CNTN3: variants seen among roughly 807,000 people sequenced by gnomAD.
CNTN3 encodes contactin 3, also known as contactin-3.
Under a neutral mutation model 119.1 loss-of-function variants are expected in CNTN3, and 60 were observed. That is an observed-to-expected ratio of 0.50 (90% CI 0.41 to 0.62). The LOEUF (loss-of-function observed/expected upper bound fraction) is 0.62. Among genes scored for constraint, CNTN3 ranks in the 20% least tolerant of loss-of-function variants. The pLI is 0.00. For synonymous variants in CNTN3, 450 were observed against 438.7 expected (o/e 1.03, Z -0.32); for missense variants, 1,101 against 1,242.4 (o/e 0.89, Z 1.71).
At chr3:74,549,971 G>A (rs1324808960) in intron 1 of CNTN3, among the ~76,000 whole-genome samples, 1 of 152,150 alleles carries the variant, frequency 6.6e-6, no homozygotes, top group Non-Finnish European at 1.5e-5. Context: ...AGAGAAAGAT[G>A]CCTGTTAATG....
rs764510749 is a variant in CNTN3, at chr3:74,295,144, T to G, written c.2494A>C (p.Asn832His). ...SWNTIPWKLS[N>H]GHLLGYEVRY... ...ACCTCATAGCCCAGTAAATGTCCAT[T>G]GCTCAACTTCCAAGGAATGGTGTTC... The change falls in exon 19 of 23, where the codon AAT (asparagine) becomes CAT (histidine). Residue 832 changes from asparagine (N) to histidine (H), a missense_variant. Physicochemically the swap from Asn to His is moderately conservative, Grantham distance 68. Coordinates refer to ENST00000263665, the MANE Select transcript of CNTN3 (RefSeq NM_020872.3). 1 of 1,611,306 alleles carries G rather than the reference T, an allele frequency of 6.2e-7. No individual in the cohort carries two copies. Among genetic ancestry groups the G allele is most frequent in the East Asian group, 2.2e-5 (1 of 44,840 alleles).
intron 1 of CNTN3, among the ~76,000 whole-genome samples, chr3:74,594,246 G>C (rs58240542): frequency 0.017 from 2,440 of 146,822 alleles, 68 homozygotes; most frequent in African/African-American, 0.058. Flanking sequence ...ACTAGGGTTA[G>C]ATATCCAAAA....
At chr3:74,325,724 A>T (rs1239991698) in intron 13 of CNTN3, among the ~76,000 whole-genome samples, 1 of 152,158 alleles carries the variant, frequency 6.6e-6, no homozygotes. Flanking sequence ...TATTATCAAC[A>T]TCTCAATTTT....
chr3:74,268,371 A>G (rs1301165843), intron 20 of CNTN3, among the ~76,000 whole-genome samples: 1 of 152,202 alleles, frequency 6.6e-6, no homozygotes, highest in Non-Finnish European at 1.5e-5. Context: ...TAACCACAGA[A>G]TGTGATTTGG....
intron 4 of CNTN3, among the ~76,000 whole-genome samples, chr3:74,450,706 C>T (rs2106947559): frequency 7.3e-6 from 1 of 136,304 alleles, no homozygotes. Context: ...TGTTCCCCTT[C>T]CTGTGTCCAT....
intron 4 of CNTN3, among the ~76,000 whole-genome samples, chr3:74,444,222 C>G (rs1702013374): frequency 6.6e-6 from 1 of 152,140 alleles, no homozygotes; most frequent in South Asian, 2.1e-4. Flanking sequence ...TGCAACAACC[C>G]TATTTTCAAA....
At chr3:74,538,071 C>T (rs1423234096) in intron 1 of CNTN3, among the ~76,000 whole-genome samples, 1 of 151,934 alleles carries the variant, frequency 6.6e-6, no homozygotes, top group Non-Finnish European at 1.5e-5. Context: ...GACAGGATAC[C>T]TGGGGAAGCA....
At position 74,469,598 on chromosome 3, in the gene CNTN3, CA is replaced by C. The variant is rs368730059; in HGVS notation, c.358+16857del. ...TAGTTGGCCAGTAAACACATGAAAACAAGCTCACATCGTTAGTCATCAGGGA... is the reference window on the plus strand; with the variant it reads ...TAGTTGGCCAGTAAACACATGAAAACAGCTCACATCGTTAGTCATCAGGGA... On this transcript the variant is annotated intron_variant, in intron 4 of 22. Coordinates refer to ENST00000263665, the MANE Select transcript of CNTN3 (RefSeq NM_020872.3). Among the ~76,000 whole-genome samples the C allele has an allele frequency of 3.0e-3, 461 of 152,242 alleles. 2 individuals are homozygous for C. The highest frequency in any genetic ancestry group is 0.011 in the African/African-American group (439 of 41,546).
At chr3:74,295,002 T>TA in intron 19 of CNTN3, 119 bp downstream of exon 19, 1 of 549,718 alleles carries the variant, frequency 1.8e-6, no homozygotes, top group Non-Finnish European at 3.3e-6. Context: ...AATGTGTTGA[T>TA]AAAAAAATTT....
At position 74,471,880 on chromosome 3, in the gene CNTN3, T is replaced by C. The variant is rs540275543; in HGVS notation, c.358+14576A>G. Reference sequence around the variant, plus strand: ...AATCTGATGGCATTCTATTCCCAACTAGACCATAAGTTCCATGAAAACAAG... The same window carrying C: ...AATCTGATGGCATTCTATTCCCAACCAGACCATAAGTTCCATGAAAACAAG... On this transcript the variant is annotated intron_variant, in intron 4 of 22. Transcript: ENST00000263665. 1.2e-4 allele frequency among the ~76,000 whole-genome samples: 19 copies of C among 152,332 alleles called. No individual in the cohort carries two copies. In the South Asian group the frequency reaches 3.9e-3, roughly 32 times the overall value.
intron 11 of CNTN3, among the ~76,000 whole-genome samples, chr3:74,356,571 C>A (rs76093636): frequency 0.059 from 8,955 of 152,104 alleles, 432 homozygotes; most frequent in East Asian, 0.2. Context: ...CAAACAATGG[C>A]ATCGATGTAT....
chr3:74,590,638 A>G (rs959565102), intron 1 of CNTN3, among the ~76,000 whole-genome samples: 3 of 152,042 alleles, frequency 2.0e-5, no homozygotes, highest in African/African-American at 7.2e-5. Context: ...ATGTCCTGCA[A>G]TGCAATTGCC....
intron 4 of CNTN3, among the ~76,000 whole-genome samples, chr3:74,462,253 T>C (rs1702383986): frequency 6.6e-6 from 1 of 152,084 alleles, no homozygotes; most frequent in African/African-American, 2.4e-5. Context: ...ATAAGCCAAT[T>C]AAACATCTTT....
At chr3:74,289,190 T>A (rs550315227) in intron 19 of CNTN3, among the ~76,000 whole-genome samples, 1 of 152,356 alleles carries the variant, frequency 6.6e-6, no homozygotes, top group Admixed American at 6.5e-5. Context: ...GACATATTTT[T>A]ATCTTGGTGT....
chr3:74,277,568 C>T (rs919827573), intron 20 of CNTN3, among the ~76,000 whole-genome samples: 4 of 152,102 alleles, frequency 2.6e-5, no homozygotes, highest in Admixed American at 2.6e-4. Context: ...AATCCAGCAT[C>T]CCTTTATGAT....
chr3:74,302,712 A>G lies in CNTN3; in HGVS notation c.1764T>C (p.Ser588=), dbSNP rs75253024. Residue 588 remains serine, a synonymous_variant, in exon 14 of 23, where the codon TCT becomes TCC. Transcript: ENST00000263665. ...TACCTCTTACTATGAGGTCAGCAGC[A>G]GATGAAACACTGTCCACCCCCGTTT... The part of the protein sequence containing the change: ...MVQTGVDSVS[S]AADLIVRGSP... 4.3e-6 allele frequency: 7 copies of G among 1,611,508 alleles called. No individual in the cohort carries two copies. The East Asian group carries it at 1.3e-4, about 31-fold the overall frequency.
rs1382515489 is a variant in CNTN3 at position 74,263,602 on chromosome 3, T to C, written c.*799A>G. The C allele has an allele frequency of 6.6e-6, 1 of 152,056 alleles. No homozygotes were observed. Among genetic ancestry groups the C allele is most frequent in the Non-Finnish European group, 1.5e-5 (1 of 67,974 alleles). 9.4% of individuals were successfully genotyped at this position (152,056 alleles called of 1,614,324 possible). ...ATAACTGAATGAAACAGAATGAAGC[T>C]TGAAAATCTGGCTGGTCTTCATGAC... On this transcript the variant is annotated 3_prime_UTR_variant, in exon 23 of 23. Coordinates refer to ENST00000263665, the MANE Select transcript of CNTN3 (RefSeq NM_020872.3).
At chr3:74,404,201 T>C (rs1488110138) in intron 5 of CNTN3, among the ~76,000 whole-genome samples, 1 of 152,158 alleles carries the variant, frequency 6.6e-6, no homozygotes, top group Non-Finnish European at 1.5e-5. Context: ...TAAATTTATC[T>C]TTATGAGGAG....
At chr3:74,584,148 G>A in intron 1 of CNTN3, among the ~76,000 whole-genome samples, 1 of 152,108 alleles carries the variant, frequency 6.6e-6, no homozygotes, top group East Asian at 1.9e-4. Flanking sequence ...CTCTGGGCTA[G>A]ACAATTACAT....
Sources: gnomAD v4.1 joint callset for allele counts (sites outside exome capture counted in the v4.1 genomes callset) on GRCh38, gnomAD v4.1.1 for gene constraint, MANE v1.5 for transcripts, NCBI Gene and HGNC (gene_info 2026-07-23, HGNC 2026-07-21) for gene names.